ASIC2: variants seen among roughly 807,000 people sequenced by gnomAD.
ASIC2 encodes the protein acid sensing ion channel subunit 2.
A neutral mutation model predicts 57.3 loss-of-function variants in ASIC2; 25 were observed. The observed-to-expected ratio is 0.44, with a 90% CI of 0.32 to 0.61. ASIC2 has a LOEUF of 0.61. Among genes scored for constraint, ASIC2 ranks in the 20% least tolerant of loss-of-function variants. The probability of loss-of-function intolerance (pLI) is 0.06; values close to 1 mark genes in which losing one functional copy is unlikely to be tolerated. For missense variants in ASIC2, 641 were observed against 738.1 expected, an observed-to-expected ratio of 0.87 and a Z score of 1.52; for synonymous variants, 319 against 307.5, an observed-to-expected ratio of 1.04 and a Z score of -0.39.
At chr17:33,610,051 G>GGCGC (rs767821413) in intron 1 of ASIC2, among the ~76,000 whole-genome samples, 7 of 110,788 alleles carry the variant, frequency 6.3e-5, no homozygotes, top group African/African-American at 2.1e-4. Context: ...CCTGGACAGA[G>GGCGC]GCGCACACAC....
chr17:33,534,068 T>C (rs1176916850), intron 1 of ASIC2: 2 of 152,128 alleles, frequency 1.3e-5, no homozygotes, highest in South Asian at 2.1e-4. Flanking sequence ...GTCCATCTCA[T>C]TGTGGGGGCT....
chr17:33,568,488 C>T (rs1325797485), intron 1 of ASIC2, among the ~76,000 whole-genome samples: 3 of 152,164 alleles, frequency 2.0e-5, no homozygotes, highest in Non-Finnish European at 4.4e-5. Context: ...GTTCCCTCTG[C>T]CTGGTGTGTT....
chr17:34,034,223 A>G (rs1234727054), intron 1 of ASIC2, among the ~76,000 whole-genome samples: 4 of 152,352 alleles, frequency 2.6e-5, no homozygotes, highest in South Asian at 4.1e-4. Flanking sequence ...AAATCAATAA[A>G]TGTAATCCAG....
At chr17:33,062,636 C>G (rs1224238296) in intron 3 of ASIC2, among the ~76,000 whole-genome samples, 1 of 152,146 alleles carries the variant, frequency 6.6e-6, no homozygotes. Context: ...AATGTATATT[C>G]TGTTGATTTG....
At chr17:33,431,177 G>A (rs550129891) in intron 1 of ASIC2, among the ~76,000 whole-genome samples, 1 of 152,194 alleles carries the variant, frequency 6.6e-6, no homozygotes, top group Non-Finnish European at 1.5e-5. Context: ...CTGTGGCAAC[G>A]TCTAAAAGGA....
At chr17:33,317,263 G>T (rs1335994297) in intron 1 of ASIC2, among the ~76,000 whole-genome samples, 1 of 152,154 alleles carries the variant, frequency 6.6e-6, no homozygotes, top group Non-Finnish European at 1.5e-5. Context: ...TACCAGGCAT[G>T]CTGTGAGCAG....
chr17:33,635,136 A>AATC (rs1906313331), intron 1 of ASIC2: 1 of 137,106 alleles, frequency 7.3e-6, no homozygotes, highest in Non-Finnish European at 1.6e-5. Flanking sequence ...ACTGTTTCTA[A>AATC]ATCAAACGAG....
At chr17:33,558,254 A>G (rs1474231292) in intron 1 of ASIC2, among the ~76,000 whole-genome samples, 1 of 152,130 alleles carries the variant, frequency 6.6e-6, no homozygotes, top group African/African-American at 2.4e-5. Context: ...ACCCTACACT[A>G]TGGATCAGAG....
intron 1 of ASIC2, among the ~76,000 whole-genome samples, chr17:33,997,690 T>A (rs1445018761): frequency 6.6e-6 from 1 of 152,214 alleles, no homozygotes; most frequent in Non-Finnish European, 1.5e-5. Flanking sequence ...GATTTGTGTA[T>A]GCTGAATCAT....
At chr17:33,106,329 T>A (rs2092234130) in intron 2 of ASIC2, among the ~76,000 whole-genome samples, 1 of 152,188 alleles carries the variant, frequency 6.6e-6, no homozygotes, top group Non-Finnish European at 1.5e-5. Context: ...TGACATATTA[T>A]CATGTTAACA....
chr17:34,132,926 C>T (rs1912033225), intron 1 of ASIC2, among the ~76,000 whole-genome samples: 1 of 152,222 alleles, frequency 6.6e-6, no homozygotes, highest in African/African-American at 2.4e-5. Flanking sequence ...GAAGCACAGT[C>T]TCCTCCACAG....
At chr17:33,784,192 T>G (rs1447905844) in intron 1 of ASIC2, among the ~76,000 whole-genome samples, 2 of 152,234 alleles carry the variant, frequency 1.3e-5, no homozygotes, top group Admixed American at 6.5e-5. Context: ...AGGTATCTCA[T>G]CATACCCAGT....
At chr17:33,338,756 G>A (rs1388577944) in intron 1 of ASIC2, among the ~76,000 whole-genome samples, 1 of 152,110 alleles carries the variant, frequency 6.6e-6, no homozygotes, top group Admixed American at 6.5e-5. Context: ...GTGGATAAGA[G>A]GAAAAAGCTG....
At chr17:33,579,606 G>A (rs545869652) in intron 1 of ASIC2, among the ~76,000 whole-genome samples, 4 of 152,310 alleles carry the variant, frequency 2.6e-5, no homozygotes, top group East Asian at 1.9e-4. Flanking sequence ...TGTGTCGGGA[G>A]TTTGTTCCTT....
chr17:33,664,512 T>A (rs1017943317), intron 1 of ASIC2, among the ~76,000 whole-genome samples: 2 of 152,186 alleles, frequency 1.3e-5, no homozygotes, highest in African/African-American at 4.8e-5. Flanking sequence ...AGAATTCCCA[T>A]TGACATTACT....
chr17:33,860,576 G>A (rs1448425692), intron 1 of ASIC2, among the ~76,000 whole-genome samples: 1 of 152,198 alleles, frequency 6.6e-6, no homozygotes, highest in African/African-American at 2.4e-5. Context: ...TAAGAAGTCA[G>A]ACTATAGGCT....
intron 1 of ASIC2, among the ~76,000 whole-genome samples, chr17:33,848,037 G>T (rs1485466975): frequency 6.6e-6 from 1 of 152,052 alleles, no homozygotes; most frequent in East Asian, 1.9e-4. Context: ...ATTTGCCTGG[G>T]GCCTCACAGC....
intron 1 of ASIC2, among the ~76,000 whole-genome samples, chr17:33,481,594 G>A (rs1913406836): frequency 6.6e-6 from 1 of 152,204 alleles, no homozygotes; most frequent in Non-Finnish European, 1.5e-5. Context: ...CACATGAGAT[G>A]TTTGAGAAAT....
chr17:33,621,855 CT>C (rs1567671744), intron 1 of ASIC2, among the ~76,000 whole-genome samples: 1 of 152,062 alleles, frequency 6.6e-6, no homozygotes, highest in East Asian at 1.9e-4. Context: ...CCACTAAAAT[CT>C]TCTATTTTTC....
Sources: gnomAD v4.1 joint callset for allele counts (sites outside exome capture counted in the v4.1 genomes callset) on GRCh38, gnomAD v4.1.1 for gene constraint, MANE v1.5 for transcripts, NCBI Gene and HGNC (gene_info 2026-07-23, HGNC 2026-07-21) for gene names.